DISC1: variants seen among roughly 807,000 people sequenced by gnomAD.
DISC1 encodes disrupted in schizophrenia 1 protein.
In DISC1, 57 loss-of-function variants were observed where a neutral mutation model predicts 84.5. The observed-to-expected ratio is 0.67, with a 90% CI of 0.55 to 0.84. The LOEUF (loss-of-function observed/expected upper bound fraction) is 0.84, where lower values mean the gene tolerates loss of function less well. Among genes scored for constraint, DISC1 ranks in the 40% least tolerant of loss-of-function variants. The probability of loss-of-function intolerance (pLI) is 0.00; values close to 1 mark genes in which losing one functional copy is unlikely to be tolerated. For synonymous variants in DISC1, 411 were observed against 415.2 expected (o/e 0.99, Z 0.12); for missense variants, 1,000 against 1,057.8 (o/e 0.95, Z 0.76).
At chr1:231,960,916 A>G (rs1486620989) in intron 10 of DISC1, among the ~76,000 whole-genome samples, 4 of 152,218 alleles carry the variant, frequency 2.6e-5, no homozygotes, top group Admixed American at 6.5e-5. Flanking sequence ...GGTTTGATTA[A>G]TTTGTTAGAC....
At chr1:231,996,415 C>G (rs1665968396) in intron 10 of DISC1, among the ~76,000 whole-genome samples, 1 of 152,132 alleles carries the variant, frequency 6.6e-6, no homozygotes. Flanking sequence ...AAGTCCTTGC[C>G]CATGCCTGTG....
intron 6 of DISC1, among the ~76,000 whole-genome samples, chr1:231,778,982 A>G (rs904930135): frequency 8.5e-5 from 13 of 152,170 alleles, no homozygotes; most frequent in Admixed American, 2.6e-4. Flanking sequence ...AGCAGCATCA[A>G]TGCTAAAACG....
chr1:231,807,155 A>AG (rs2079803271), intron 8 of DISC1, among the ~76,000 whole-genome samples: 1 of 152,220 alleles, frequency 6.6e-6, no homozygotes, highest in African/African-American at 2.4e-5. Context: ...GGTCTGCACC[A>AG]TTGTGAGACA....
chr1:231,952,967 G>T (rs569457035), intron 9 of DISC1, among the ~76,000 whole-genome samples: 1 of 152,162 alleles, frequency 6.6e-6, no homozygotes, highest in South Asian at 2.1e-4. Flanking sequence ...ACTAACTGCT[G>T]TCATGTTATA....
At chr1:231,709,958 A>G (rs541926704) in intron 3 of DISC1, among the ~76,000 whole-genome samples, 6 of 152,146 alleles carry the variant, frequency 3.9e-5, no homozygotes, top group Non-Finnish European at 7.4e-5. Flanking sequence ...CTGCCCTCTT[A>G]GAGTGGCTAG....
chr1:231,913,950 G>C (rs934920547), intron 9 of DISC1, among the ~76,000 whole-genome samples: 8 of 152,160 alleles, frequency 5.3e-5, no homozygotes, highest in Non-Finnish European at 1.2e-4. Context: ...GCATCAGTTA[G>C]GAATTTCATA....
chr1:231,869,212 G>C (rs1205037498), intron 9 of DISC1, among the ~76,000 whole-genome samples: 1 of 152,180 alleles, frequency 6.6e-6, no homozygotes, highest in Admixed American at 6.5e-5. Context: ...AGATGGTTGG[G>C]TTTGGGAGAA....
rs374615902 is a variant in DISC1 at position 232,036,636 on chromosome 1, G to A, written c.2426-56G>A. ...AGGCTCACACGCTCTTCGATCCCTC[G>A]GAGGCCGCAGAGGGCCACGATCACC... On this transcript the variant is annotated intron_variant, in intron 12 of 12. Transcript: ENST00000439617. 1.4e-4 allele frequency: 201 copies of A among 1,448,864 alleles called. No homozygotes were observed. The South Asian group carries it at 3.0e-3, about 21-fold the overall frequency. The allele number at this position is 1,448,864 out of a possible 1,614,324, so 89.8% of individuals were successfully genotyped here.
intron 7 of DISC1, 131 bp downstream of exon 7, chr1:231,795,427 G>C: frequency 2.6e-6 from 2 of 760,102 alleles, no homozygotes; most frequent in Non-Finnish European, 4.4e-6. Flanking sequence ...CATTTTGCAG[G>C]CCCAATGATG....
At chr1:231,889,803 T>C (rs1571846591) in intron 9 of DISC1, among the ~76,000 whole-genome samples, 2 of 152,170 alleles carry the variant, frequency 1.3e-5, no homozygotes, top group South Asian at 2.1e-4. Flanking sequence ...CTGTAAAACA[T>C]GTAGGGGCTG....
At chr1:231,711,144 G>T (rs1160923565) in intron 3 of DISC1, among the ~76,000 whole-genome samples, 2 of 151,806 alleles carry the variant, frequency 1.3e-5, no homozygotes, top group Non-Finnish European at 2.9e-5. Context: ...GTATATCATG[G>T]TATCCCTTCA....
intron 9 of DISC1, among the ~76,000 whole-genome samples, chr1:231,873,489 A>C (rs1185835945): frequency 6.6e-6 from 1 of 152,176 alleles, no homozygotes; most frequent in Non-Finnish European, 1.5e-5. Flanking sequence ...ACAAGGGACC[A>C]ATTAGTGATT....
At position 232,036,732 on chromosome 1, in the gene DISC1, G is replaced by A. The variant is rs745408546; in HGVS notation, c.2466G>A (p.Leu822=). 1 of 1,606,990 alleles carries A rather than the reference G, an allele frequency of 6.2e-7. No individual in the cohort carries two copies. The highest frequency in any genetic ancestry group is 1.7e-5 in the Admixed American group (1 of 59,872). The change falls in exon 13 of 13, where the codon CTG becomes CTA. Residue 822 remains leucine, a synonymous_variant. Coordinates refer to ENST00000439617, the MANE Select transcript of DISC1 (RefSeq NM_018662.3). The part of the protein sequence containing the change: ...RRELQMVKET[L]QAMILQLQPA... The stretch of plus-strand genomic sequence containing the variant: ...AGCTCCAGATGGTGAAGGAAACTCT[G>A]CAGGCCATGATCCTGCAGCTCCAGC...
intron 3 of DISC1, among the ~76,000 whole-genome samples, chr1:231,729,439 A>G (rs1254932970): frequency 3.9e-5 from 6 of 152,336 alleles, no homozygotes; most frequent in Non-Finnish European, 8.8e-5. Flanking sequence ...AGTCCAGTAC[A>G]TACACAGGTT....
intron 1 of DISC1, among the ~76,000 whole-genome samples, chr1:231,632,581 C>T (rs1325607287): frequency 6.6e-6 from 1 of 152,208 alleles, no homozygotes; most frequent in Non-Finnish European, 1.5e-5. Context: ...GTAATCTGGC[C>T]TTCTTCTTTT....
intron 6 of DISC1, among the ~76,000 whole-genome samples, chr1:231,773,144 A>G (rs2076684564): frequency 6.6e-6 from 1 of 152,212 alleles, no homozygotes; most frequent in Admixed American, 6.5e-5. Context: ...GCCTGAATCA[A>G]TAAAAGATGG....
At chr1:231,735,761 A>C (rs1181843128) in intron 3 of DISC1, among the ~76,000 whole-genome samples, 1 of 152,092 alleles carries the variant, frequency 6.6e-6, no homozygotes, top group Non-Finnish European at 1.5e-5. Flanking sequence ...AATTGTTGCT[A>C]TTTTCTATGT....
chr1:231,760,805 A>C (rs977777268), intron 4 of DISC1, among the ~76,000 whole-genome samples: 6 of 152,130 alleles, frequency 3.9e-5, no homozygotes, highest in African/African-American at 1.4e-4. Context: ...TGGCCTCTCG[A>C]GCAATGCCAA....
intron 3 of DISC1, among the ~76,000 whole-genome samples, chr1:231,742,651 T>C (rs1190274405): frequency 3.3e-5 from 5 of 152,100 alleles, no homozygotes; most frequent in Non-Finnish European, 7.4e-5. Context: ...CACATACCTG[T>C]AGTCCAAGTT....
Sources: allele counts gnomAD v4.1 joint callset (sites outside exome capture counted in the v4.1 genomes callset), GRCh38; gene constraint gnomAD v4.1.1; transcripts MANE v1.5; gene names NCBI Gene and HGNC (gene_info 2026-07-23, HGNC 2026-07-21).